Variants in RBFOX1 observed in about 807,000 individuals in gnomAD.
RBFOX1 encodes the protein RNA binding protein fox-1 homolog 1.
Under a neutral mutation model 57.7 loss-of-function variants are expected in RBFOX1, and 8 were observed. The ratio of observed to expected loss-of-function variants is 0.14; its 90% CI spans 0.08 to 0.25. The LOEUF (loss-of-function observed/expected upper bound fraction) is 0.25. Ranked by LOEUF, RBFOX1 falls within the 10% of genes least tolerant of loss-of-function variation. The pLI is 1.00. For synonymous variants in RBFOX1, 326 were observed against 222.4 expected (o/e 1.47, Z -4.15); for missense variants, 611 against 548.5 (o/e 1.11, Z -1.14).
chr16:5,254,229 AC>A (rs2062527083), intron 1 of RBFOX1, among the ~76,000 whole-genome samples: 1 of 152,214 alleles, frequency 6.6e-6, no homozygotes, highest in Non-Finnish European at 1.5e-5. Context: ...GTTTGAAGCC[AC>A]CTGGCTGGTC....
intron 3 of RBFOX1, among the ~76,000 whole-genome samples, chr16:5,686,541 C>G (rs1596752571): frequency 1.3e-5 from 2 of 152,168 alleles, no homozygotes; most frequent in East Asian, 3.9e-4. Flanking sequence ...GGGATTTCTA[C>G]TTAATCGTGG....
chr16:6,554,730 ACACACAC>A (rs2097061324), intron 2 of RBFOX1, among the ~76,000 whole-genome samples: 1 of 1,580 alleles, frequency 6.3e-4, no homozygotes, highest in Non-Finnish European at 4.9e-3. Context: ...ACACAGACAC[ACACACAC>A]ACACACACAC....
In RBFOX1 at chr16:6,539,806, G is replaced by GACAC. The variant is rs35407844; in HGVS notation, c.-63-114769_-63-114766dup. 9.8e-3 allele frequency among the ~76,000 whole-genome samples: 1,335 copies of GACAC among 136,288 alleles called. 28 individuals are homozygous for GACAC. Among genetic ancestry groups the GACAC allele is most frequent in the African/African-American group, 0.028 (1,070 of 38,568 alleles). The allele number at this position is 136,288 out of a possible 152,430, so 89.4% of individuals were successfully genotyped here. A position where few individuals can be genotyped will look rare whatever the true frequency, so the allele number is the denominator to read the frequency against. ...GACTGAGGCTGCATCTCAAAACACA[G>GACAC]ACACACACACACACACACACACACA... On this transcript the variant is annotated intron_variant, in intron 2 of 15. Transcript: ENST00000550418.
At chr16:7,103,389 G>T (rs932614486) in intron 4 of RBFOX1, among the ~76,000 whole-genome samples, 10 of 152,098 alleles carry the variant, frequency 6.6e-5, no homozygotes, top group Non-Finnish European at 1.3e-4. Flanking sequence ...AATGAAGCTG[G>T]CCTGGCCCAT....
intron 3 of RBFOX1, among the ~76,000 whole-genome samples, chr16:6,809,716 G>T (rs2087920069): frequency 6.6e-6 from 1 of 152,176 alleles, no homozygotes; most frequent in African/African-American, 2.4e-5. Context: ...CATTGTCTCT[G>T]AATTGGTCTT....
chr16:5,466,472 G>A (rs778862235), intron 1 of RBFOX1, among the ~76,000 whole-genome samples: 2 of 152,146 alleles, frequency 1.3e-5, no homozygotes. Context: ...TTCAACTCCT[G>A]GGGCCCTGAA....
chr16:7,156,951 C>T (rs2077274992), intron 4 of RBFOX1, among the ~76,000 whole-genome samples: 1 of 152,160 alleles, frequency 6.6e-6, no homozygotes, highest in African/African-American at 2.4e-5. Flanking sequence ...CTCTTTACAG[C>T]AAAAAGTGCC....
intron 3 of RBFOX1, among the ~76,000 whole-genome samples, chr16:5,820,568 G>C (rs60152078): frequency 0.041 from 6,262 of 152,204 alleles, 433 homozygotes; most frequent in African/African-American, 0.14. Context: ...TCCCCCACCT[G>C]CTTTTGTGTT....
chr16:6,926,930 C>T (rs1489544238), intron 3 of RBFOX1, among the ~76,000 whole-genome samples: 2 of 152,202 alleles, frequency 1.3e-5, no homozygotes, highest in Non-Finnish European at 2.9e-5. Context: ...TTTGTTGTCA[C>T]TGCTGGAATG....
chr16:7,547,545 A>G (rs1441360872), intron 5 of RBFOX1, among the ~76,000 whole-genome samples: 3 of 152,224 alleles, frequency 2.0e-5, no homozygotes, highest in Admixed American at 1.3e-4. Context: ...TGAAGAAAAA[A>G]CAAAGCAAAT....
intron 4 of RBFOX1, among the ~76,000 whole-genome samples, chr16:7,334,645 A>T (rs1354114358): frequency 6.6e-6 from 1 of 151,992 alleles, no homozygotes; most frequent in African/African-American, 2.4e-5. Context: ...GGTTTAATGG[A>T]CTCCAGAGCT....
At chr16:5,868,713 C>A (rs1597570614) in intron 4 of RBFOX1, among the ~76,000 whole-genome samples, 1 of 152,292 alleles carries the variant, frequency 6.6e-6, no homozygotes, top group East Asian at 1.9e-4. Context: ...AGATGAGCAG[C>A]CCCCACTGTC....
intron 4 of RBFOX1, among the ~76,000 whole-genome samples, chr16:7,513,747 C>G (rs1023626924): frequency 6.6e-6 from 1 of 152,128 alleles, no homozygotes; most frequent in Non-Finnish European, 1.5e-5. Context: ...TTCTGAGGAC[C>G]AGTGAGGAGA....
intron 3 of RBFOX1, among the ~76,000 whole-genome samples, chr16:7,042,402 T>A (rs772438339): frequency 2.6e-5 from 4 of 152,188 alleles, no homozygotes; most frequent in Admixed American, 2.0e-4. Flanking sequence ...AATTCCCTCT[T>A]GAATATTTCC....
chr16:7,442,849 G>C (rs1329712156), intron 4 of RBFOX1, among the ~76,000 whole-genome samples: 1 of 151,582 alleles, frequency 6.6e-6, no homozygotes, highest in Non-Finnish European at 1.5e-5. Flanking sequence ...TCTGATTCAG[G>C]ACCTGGCCTA....
intron 1 of RBFOX1, among the ~76,000 whole-genome samples, chr16:6,053,448 G>GT (rs2095577668): frequency 1.3e-5 from 2 of 152,150 alleles, no homozygotes; most frequent in South Asian, 4.1e-4. Context: ...AAGTATAGAA[G>GT]TAAGAGGCAG....
intron 4 of RBFOX1, among the ~76,000 whole-genome samples, chr16:7,461,456 G>A (rs2059571670): frequency 6.6e-6 from 1 of 152,180 alleles, no homozygotes; most frequent in Non-Finnish European, 1.5e-5. Flanking sequence ...ATGAGTCACT[G>A]TGCCCGGCCA....
intron 4 of RBFOX1, among the ~76,000 whole-genome samples, chr16:5,970,793 C>A (rs762141574): frequency 1.3e-5 from 2 of 152,194 alleles, no homozygotes; most frequent in African/African-American, 4.8e-5. Context: ...GCCATGTTTT[C>A]ATTGCACAGC....
intron 3 of RBFOX1, among the ~76,000 whole-genome samples, chr16:5,665,137 GGGGC>G (rs1760897026): frequency 1.4e-5 from 2 of 142,936 alleles, no homozygotes; most frequent in East Asian, 2.2e-4. Context: ...TACATGGGGG[GGGGC>G]GGTCTTGCTA....
Sources: allele counts gnomAD v4.1 joint callset (sites outside exome capture counted in the v4.1 genomes callset), GRCh38; gene constraint gnomAD v4.1.1; transcripts MANE v1.5; gene names NCBI Gene and HGNC (gene_info 2026-07-23, HGNC 2026-07-21).